The following QPCT variants were observed in gnomAD, a reference collection of about 807,000 sequenced individuals.
QPCT encodes the protein EC.
A neutral mutation model predicts 43.4 loss-of-function variants in QPCT; 44 were observed. That is an observed-to-expected ratio of 1.01 (90% CI 0.80 to 1.30). The LOEUF (loss-of-function observed/expected upper bound fraction) is 1.30, where lower values mean the gene tolerates loss of function less well. Among genes scored for constraint, QPCT ranks in the 50% most tolerant of loss-of-function variants. The probability of loss-of-function intolerance (pLI) is 0.00; values close to 1 mark genes in which losing one functional copy is unlikely to be tolerated. For synonymous variants in QPCT, 168 were observed against 168.4 expected, an observed-to-expected ratio of 1.00 and a Z score of 0.02; for missense variants, 526 against 436.5, an observed-to-expected ratio of 1.21 and a Z score of -1.83.
Position 37,372,423 on chromosome 2 carries a change from C to CA in QPCT, c.892dup (p.Ser298LysfsTer9). The CA allele has an allele frequency of 6.2e-7, 1 of 1,614,004 alleles. No homozygotes were observed. The highest frequency in any genetic ancestry group is 8.5e-7 in the Non-Finnish European group (1 of 1,179,948). ...TGGAGGGGCGGTATTTCCAGAATTA[C>CA]AGTTATGGAGGTGTGATTCAGGATG... is the stretch of plus-strand genomic sequence containing the variant. On this transcript the variant is annotated frameshift_variant, in exon 6 of 7. Coordinates refer to ENST00000338415, the MANE Select transcript of QPCT (RefSeq NM_012413.4). LOFTEE classifies it high-confidence loss of function.
chr2:37,347,164 A>ATATATATATATATATAT (rs555548922), intron 1 of QPCT, among the ~76,000 whole-genome samples: 6 of 29,778 alleles, frequency 2.0e-4, no homozygotes, highest in Non-Finnish European at 2.5e-4. Flanking sequence ...ATATATATAT[A>ATATATATATATATATAT]ACATATATAT....
At position 37,368,765 on chromosome 2, in the gene QPCT, T is replaced by TCA. The variant is rs1166888441; in HGVS notation, c.724-920_724-919insCA. 217 of 461,936 alleles carry TCA rather than the reference T, an allele frequency of 4.7e-4. 1 individual carries two copies. Among genetic ancestry groups the TCA allele is most frequent in the South Asian group, 2.8e-3 (174 of 63,264 alleles). 28.6% of individuals were successfully genotyped at this position (461,936 alleles called of 1,614,324 possible). ...ATCAGCAGTAGAACAAAGTTATTTA[T>TCA]TTATCAGTCCAAATATATGAAGCCA... On this transcript the variant is annotated intron_variant, in intron 4 of 6. Transcript: ENST00000338415.
At chr2:37,362,120 C>T (rs113181024) in intron 3 of QPCT, among the ~76,000 whole-genome samples, 31 of 152,274 alleles carry the variant, frequency 2.0e-4, no homozygotes, top group Middle Eastern at 3.4e-3. Context: ...TTGGAGTCTC[C>T]CAGCTGTTGA....
chr2:37,364,944 T>A (rs925259626), intron 3 of QPCT, among the ~76,000 whole-genome samples: 2 of 149,044 alleles, frequency 1.3e-5, no homozygotes, highest in African/African-American at 4.9e-5. Flanking sequence ...ATATAACATA[T>A]AATATGTATA....
chr2:37,364,546 G>C (rs902446462), intron 3 of QPCT, among the ~76,000 whole-genome samples: 16 of 152,226 alleles, frequency 1.1e-4, no homozygotes, highest in African/African-American at 3.6e-4. Context: ...GCAAATGAAA[G>C]AGAGGCCTGT....
In QPCT at chr2:37,347,164, A is replaced by ATATATATATATATAT. The variant is rs555548922; in HGVS notation, c.120+2313_120+2314insTATATATATATATAT. 6.7e-4 allele frequency among the ~76,000 whole-genome samples: 20 copies of ATATATATATATATAT among 29,776 alleles called. 1 individual carries two copies. The highest frequency in any genetic ancestry group is 7.5e-4 in the Non-Finnish European group (15 of 19,922). The allele number at this position is 29,776 out of a possible 152,430, so 19.5% of individuals were successfully genotyped here. On this transcript the variant is annotated intron_variant, in intron 1 of 6. Coordinates refer to ENST00000338415, the MANE Select transcript of QPCT (RefSeq NM_012413.4). ...GTGTTTTATATATATATATATATATAACATATATATATATAACATATATAT... is the reference window on the plus strand; with the variant it reads ...GTGTTTTATATATATATATATATATATATATATATATATATACATATATATATATAACATATATAT...
At chr2:37,346,026 T>C (rs928703096) in intron 1 of QPCT, among the ~76,000 whole-genome samples, 23 of 152,322 alleles carry the variant, frequency 1.5e-4, no homozygotes, top group African/African-American at 5.3e-4. Flanking sequence ...ATATAAACTT[T>C]GGCAGTGTTA....
At chr2:37,357,302 C>A (rs1164172727) in intron 2 of QPCT, among the ~76,000 whole-genome samples, 1 of 147,666 alleles carries the variant, frequency 6.8e-6, no homozygotes, top group Non-Finnish European at 1.5e-5. Context: ...TTTTAAATGA[C>A]CCATTTTGTG....
chr2:37,363,680 A>T (rs1399984805), intron 3 of QPCT, among the ~76,000 whole-genome samples: 1 of 147,740 alleles, frequency 6.8e-6, no homozygotes, highest in South Asian at 2.1e-4. Flanking sequence ...AAAAAAAAAA[A>T]TAGAAAGCAA....
chr2:37,368,535 C>T (rs1572738118), intron 4 of QPCT: 2 of 468,756 alleles, frequency 4.3e-6, no homozygotes, highest in South Asian at 3.1e-5. Context: ...CTATCACTGA[C>T]CTTCGCCCTA....
intron 1 of QPCT, among the ~76,000 whole-genome samples, chr2:37,348,042 C>CTCTCTG (rs1672541443): frequency 7.2e-6 from 1 of 138,598 alleles, no homozygotes; most frequent in Non-Finnish European, 1.5e-5. Flanking sequence ...ATTTCTATCT[C>CTCTCTG]TCTCTCTCTG....
intron 1 of QPCT, 139 bp downstream of exon 1, chr2:37,344,990 C>G (rs992495414): frequency 9.2e-6 from 12 of 1,301,168 alleles, no homozygotes; most frequent in Admixed American, 3.3e-5. Context: ...GCGCCCCACC[C>G]GGCGCCCGGA....
rs1011043718 is a variant in QPCT at position 37,344,643 on chromosome 2, G to A, written c.-89G>A. 1.3e-6 allele frequency: 2 copies of A among 1,508,202 alleles called. No homozygotes were observed. Among genetic ancestry groups the A allele is most frequent in the South Asian group, 1.3e-5 (1 of 79,938 alleles). 93.4% of individuals were successfully genotyped at this position (1,508,202 alleles called of 1,614,324 possible). On this transcript the variant is annotated 5_prime_UTR_variant, in exon 1 of 7. It adds an upstream start codon to the 5' untranslated region. Coordinates refer to ENST00000338415, the MANE Select transcript of QPCT (RefSeq NM_012413.4). ...GAAGGCGGGCGCAGTCGACCCAAGG[G>A]TGGAGAAGAGGGAAGGCGAAGGACG... is the stretch of plus-strand genomic sequence containing the variant.
At chr2:37,362,240 C>G (rs965014138) in intron 3 of QPCT, among the ~76,000 whole-genome samples, 8 of 152,236 alleles carry the variant, frequency 5.3e-5, no homozygotes, top group African/African-American at 1.7e-4. Flanking sequence ...CGGTCCCGTT[C>G]TGCCCTCTTG....
intron 1 of QPCT, among the ~76,000 whole-genome samples, chr2:37,349,857 A>G (rs915563492): frequency 1.3e-5 from 2 of 152,152 alleles, no homozygotes; most frequent in Admixed American, 6.5e-5. Flanking sequence ...CTTTATTATT[A>G]TATAAATACA....
At chr2:37,367,549 T>C (rs1044165643) in intron 4 of QPCT, 141 bp downstream of exon 4, 3 of 903,144 alleles carry the variant, frequency 3.3e-6, no homozygotes, top group African/African-American at 1.7e-5. Context: ...TTGGCAGGCA[T>C]TGGGTTTTTG....
chr2:37,356,299 A>G (rs577522149), intron 2 of QPCT, among the ~76,000 whole-genome samples: 18 of 151,982 alleles, frequency 1.2e-4, no homozygotes, highest in African/African-American at 2.7e-4. Context: ...GTCTCCATCT[A>G]TCTCTGCTTT....
intron 4 of QPCT, chr2:37,368,560 G>A (rs898964138): frequency 2.1e-6 from 1 of 470,628 alleles, no homozygotes; most frequent in African/African-American, 2.0e-5. Flanking sequence ...AGTACAAATG[G>A]TCACATTCTG....
At position 37,367,396 on chromosome 2, in the gene QPCT, A is replaced by G. The variant is rs777595519; in HGVS notation, c.711A>G (p.Gln237=). The G allele has an allele frequency of 6.2e-7, 1 of 1,613,578 alleles. No homozygotes were observed. The highest frequency in any genetic ancestry group is 2.2e-5 in the East Asian group (1 of 44,878). ...CACCTGGAGCGAGAGGCACCAGCCA[A>G]CTGCATGGCATGGTTAGTCTGGGCA... The part of the protein sequence containing the change: ...PHPPGARGTS[Q]LHGMDLLVLL... The change falls in exon 4 of 7, where the codon CAA becomes CAG. Residue 237 remains glutamine (Q), a synonymous_variant. Coordinates refer to ENST00000338415, the MANE Select transcript of QPCT (RefSeq NM_012413.4).
Sources: gnomAD v4.1 joint callset for allele counts (sites outside exome capture counted in the v4.1 genomes callset) on GRCh38, gnomAD v4.1.1 for gene constraint, MANE v1.5 for transcripts, NCBI Gene and HGNC (gene_info 2026-07-23, HGNC 2026-07-21) for gene names.